The following SLIT3 variants were observed in gnomAD, a reference collection of about 807,000 sequenced individuals.
SLIT3 encodes slit guidance ligand 3.
SLIT3 carries 68 observed loss-of-function variants against 184.0 expected under a neutral mutation model. That is an observed-to-expected ratio of 0.37 (90% CI 0.30 to 0.45). The LOEUF is 0.45. Among genes scored for constraint, SLIT3 ranks in the 20% least tolerant of loss-of-function variants. SLIT3 has a pLI of 1.00. For missense variants in SLIT3, 1,707 were observed against 2,026.0 expected (o/e 0.84, Z 3.02); for synonymous variants, 831 against 828.6 (o/e 1.00, Z -0.05).
intron 5 of SLIT3, among the ~76,000 whole-genome samples, chr5:168,874,214 T>C (rs1279281256): frequency 6.6e-6 from 1 of 152,222 alleles, no homozygotes; most frequent in Admixed American, 6.5e-5. Context: ...GATAATAAAT[T>C]GTACTGCTGG....
intron 5 of SLIT3, among the ~76,000 whole-genome samples, chr5:168,848,199 G>A (rs1758549356): frequency 6.6e-6 from 1 of 152,206 alleles, no homozygotes; most frequent in African/African-American, 2.4e-5. Context: ...AGGTGTCAGG[G>A]CTGAGCCCAA....
At chr5:169,007,597 T>C (rs978543500) in intron 4 of SLIT3, among the ~76,000 whole-genome samples, 1 of 152,250 alleles carries the variant, frequency 6.6e-6, no homozygotes, top group South Asian at 2.1e-4. Context: ...ATAGTCTGCA[T>C]GTGTTTGCCT....
At position 168,664,379 on chromosome 5, in the gene SLIT3, A is replaced by C. The variant is rs973444181; in HGVS notation, c.*2075T>G. 2 of 152,154 alleles carry C rather than the reference A, an allele frequency of 1.3e-5. No individual in the cohort carries two copies. Among genetic ancestry groups the C allele is most frequent in the Admixed American group, 6.5e-5 (1 of 15,280 alleles). 9.4% of individuals were successfully genotyped at this position (152,154 alleles called of 1,614,324 possible). A position where few individuals can be genotyped will look rare whatever the true frequency, so the allele number is the denominator to read the frequency against. ...GGTGACAAAGCAAGACCTTGTCTCT[A>C]ATGACAACAAAAAACAAAGCCATCA... is the stretch of plus-strand genomic sequence containing the variant. On this transcript the variant is annotated 3_prime_UTR_variant, in exon 36 of 36. Coordinates refer to ENST00000519560, the MANE Select transcript of SLIT3 (RefSeq NM_003062.4).
At chr5:168,674,214 A>C (rs1246386399) in intron 32 of SLIT3, among the ~76,000 whole-genome samples, 14 of 152,280 alleles carry the variant, frequency 9.2e-5, no homozygotes, top group African/African-American at 3.4e-4. Context: ...TCCACTACAG[A>C]AATGAGGAAA....
At chr5:169,119,387 C>T (rs1760802199) in intron 4 of SLIT3, among the ~76,000 whole-genome samples, 1 of 152,204 alleles carries the variant, frequency 6.6e-6, no homozygotes, top group African/African-American at 2.4e-5. Context: ...GCTGGTTACA[C>T]TGTTAATGAC....
In SLIT3 at chr5:168,913,753, C is replaced by CAAAA. The variant is rs758320799; in HGVS notation, c.414-30418_414-30417insTTTT. On this transcript the variant is annotated intron_variant, in intron 4 of 35. Transcript: ENST00000519560. ...TAAAACTCCGTCTCAAAAAAAAAAA[C>CAAAA]AAACAAACAAAAACAAACAAACAAA... Among the ~76,000 whole-genome samples, 91 of 144,828 alleles carry CAAAA rather than the reference C, an allele frequency of 6.3e-4. 4 individuals carry two copies. Among genetic ancestry groups the CAAAA allele is most frequent in the Admixed American group, 6.3e-3 (91 of 14,528 alleles).
At chr5:169,266,290 C>T (rs1057288070) in intron 1 of SLIT3, among the ~76,000 whole-genome samples, 4 of 152,132 alleles carry the variant, frequency 2.6e-5, no homozygotes, top group East Asian at 1.9e-4. Context: ...GTAGGGAATA[C>T]GGTATGGCAA....
chr5:169,131,872 A>G (rs1761309052), intron 4 of SLIT3, among the ~76,000 whole-genome samples: 1 of 152,222 alleles, frequency 6.6e-6, no homozygotes, highest in Non-Finnish European at 1.5e-5. Flanking sequence ...GAAAGGGTTT[A>G]GCTTCTTAAA....
chr5:168,969,466 A>G (rs1334035071), intron 4 of SLIT3, among the ~76,000 whole-genome samples: 1 of 152,244 alleles, frequency 6.6e-6, no homozygotes, highest in Non-Finnish European at 1.5e-5. Flanking sequence ...TGTTGTTGAC[A>G]TCTACATTAC....
chr5:169,079,420 G>C (rs1758876028), intron 4 of SLIT3, among the ~76,000 whole-genome samples: 1 of 141,140 alleles, frequency 7.1e-6, no homozygotes, highest in Non-Finnish European at 1.5e-5. Flanking sequence ...CACTGTCCAG[G>C]CTAAGAGACC....
intron 20 of SLIT3, among the ~76,000 whole-genome samples, chr5:168,725,049 G>A (rs1180249127): frequency 6.6e-6 from 1 of 152,180 alleles, no homozygotes; most frequent in East Asian, 1.9e-4. Context: ...GACTATCTCT[G>A]ATGTACATTT....
At chr5:168,857,450 G>A (rs1758928791) in intron 5 of SLIT3, among the ~76,000 whole-genome samples, 1 of 152,128 alleles carries the variant, frequency 6.6e-6, no homozygotes, top group Non-Finnish European at 1.5e-5. Context: ...AGTTTGCTCA[G>A]GAATCAGATG....
chr5:169,107,031 G>T (rs1045469533), intron 4 of SLIT3, among the ~76,000 whole-genome samples: 5 of 152,196 alleles, frequency 3.3e-5, no homozygotes, highest in South Asian at 2.1e-4. Flanking sequence ...ATCCAAGGCC[G>T]CCTGCCCTGT....
chr5:168,718,746 T>A (rs1762842262), intron 23 of SLIT3, among the ~76,000 whole-genome samples: 1 of 151,110 alleles, frequency 6.6e-6, no homozygotes, highest in Admixed American at 6.6e-5. Context: ...TCTCTCTCTC[T>A]CTTTCTCTCT....
At chr5:168,847,584 GT>G (rs1758516386) in intron 5 of SLIT3, among the ~76,000 whole-genome samples, 1 of 152,110 alleles carries the variant, frequency 6.6e-6, no homozygotes, top group African/African-American at 2.4e-5. Flanking sequence ...AATACACTAG[GT>G]CTCTAAAACA....
chr5:169,015,931 A>AACAC (rs3138760), intron 4 of SLIT3, among the ~76,000 whole-genome samples: 1,227 of 120,336 alleles, frequency 0.01, 9 homozygotes, highest in African/African-American at 0.014. Context: ...GAAAAATATA[A>AACAC]ACACACACAC....
At chr5:169,209,375 T>C (rs886170023) in intron 3 of SLIT3, among the ~76,000 whole-genome samples, 2 of 152,222 alleles carry the variant, frequency 1.3e-5, no homozygotes, top group Non-Finnish European at 2.9e-5. Flanking sequence ...AGTTCCACCA[T>C]TGTGGAAGAC....
chr5:168,873,796 G>C (rs1177942517), intron 5 of SLIT3, among the ~76,000 whole-genome samples: 2 of 151,966 alleles, frequency 1.3e-5, no homozygotes, highest in African/African-American at 2.4e-5. Flanking sequence ...GGTAGTGAGA[G>C]GCAAAGCTGA....
chr5:169,165,002 C>G (rs1212897929), intron 4 of SLIT3, among the ~76,000 whole-genome samples: 2 of 152,234 alleles, frequency 1.3e-5, no homozygotes, highest in African/African-American at 4.8e-5. Context: ...ATCTTTCAAA[C>G]AGTAATGATA....
Sources: gnomAD v4.1 joint callset for allele counts (sites outside exome capture counted in the v4.1 genomes callset) on GRCh38, gnomAD v4.1.1 for gene constraint, MANE v1.5 for transcripts, NCBI Gene and HGNC (gene_info 2026-07-23, HGNC 2026-07-21) for gene names.